The following CCDC102B variants were observed in gnomAD, a reference collection of about 807,000 sequenced individuals.
CCDC102B encodes coiled-coil domain containing 102B.
CCDC102B carries 75 observed loss-of-function variants against 57.4 expected under a neutral mutation model. That is an observed-to-expected ratio of 1.31 (90% confidence interval 1.08 to 1.58). The LOEUF is 1.58. Among genes scored for constraint, CCDC102B ranks in the 40% most tolerant of loss-of-function variants. The pLI, the probability that CCDC102B is intolerant of heterozygous loss-of-function variation, is 0.00. For missense variants in CCDC102B, 636 were observed against 582.6 expected (o/e 1.09, Z -0.94); for synonymous variants, 206 against 201.9 (o/e 1.02, Z -0.17).
chr18:68,755,091 T>A (rs753346457), intron 2 of CCDC102B: 1 of 152,242 alleles, frequency 6.6e-6, no homozygotes, highest in Non-Finnish European at 1.5e-5. Context: ...TTTTCTCTAT[T>A]CTTTCATCTG....
upstream of CCDC102B, among the ~76,000 whole-genome samples, chr18:68,794,688 C>T (rs1170019020): frequency 6.6e-6 from 1 of 151,992 alleles, no homozygotes; most frequent in Non-Finnish European, 1.5e-5. Flanking sequence ...TCATATGCCC[C>T]CAAGTGATTG....
chr18:69,003,082 C>A (rs2051248407), intron 6 of CCDC102B, among the ~76,000 whole-genome samples: 1 of 152,144 alleles, frequency 6.6e-6, no homozygotes, highest in African/African-American at 2.4e-5. Context: ...TATACTCCCC[C>A]AGACATCTGT....
At chr18:68,966,304 C>G (rs2050164498) in intron 6 of CCDC102B, among the ~76,000 whole-genome samples, 1 of 152,086 alleles carries the variant, frequency 6.6e-6, no homozygotes. Context: ...TGCCTTATCT[C>G]CCCAGACTGA....
chr18:69,031,449 CTT>C (rs76983663), intron 7 of CCDC102B, among the ~76,000 whole-genome samples: 9 of 141,780 alleles, frequency 6.3e-5, no homozygotes, highest in Non-Finnish European at 1.2e-4. Context: ...TCCTGGAGAC[CTT>C]TTTTTTTTTT....
At chr18:68,970,086 T>A (rs1374560162) in intron 6 of CCDC102B, among the ~76,000 whole-genome samples, 11 of 152,064 alleles carry the variant, frequency 7.2e-5, no homozygotes, top group Non-Finnish European at 1.2e-4. Flanking sequence ...TTTTAAGCTG[T>A]CAGAATAAGA....
At position 68,857,299 on chromosome 18, in the gene CCDC102B, ATATAATATATATTTATATATTAT is replaced by A. The variant is rs1568292987; in HGVS notation, c.936+10879_936+10901del. Reference sequence around the variant, plus strand: ...TATAATATATATTTATATATTATATATATAATATATATTTATATATTATATATATAAAATATATATTTATATAT... The same window carrying A: ...TATAATATATATTTATATATTATATAATATATAAAATATATATTTATATAT... On this transcript the variant is annotated intron_variant, in intron 4 of 7. Transcript: ENST00000360242. Among the ~76,000 whole-genome samples, 15 of 51,554 alleles carry A rather than the reference ATATAATATATATTTATATATTAT, an allele frequency of 2.9e-4. 4 individuals are homozygous for A. The highest frequency in any genetic ancestry group is 9.1e-4 in the Admixed American group (3 of 3,306). The allele number at this position is 51,554 out of a possible 152,430, so 33.8% of individuals were successfully genotyped here. A position where few individuals can be genotyped will look rare whatever the true frequency, so the allele number is the denominator to read the frequency against.
intron 7 of CCDC102B, among the ~76,000 whole-genome samples, chr18:69,012,334 A>G (rs2051541060): frequency 3.9e-5 from 6 of 152,130 alleles, no homozygotes; most frequent in Admixed American, 3.3e-4. Flanking sequence ...CGGCTTTAAG[A>G]TATCACCTGA....
intron 6 of CCDC102B, among the ~76,000 whole-genome samples, chr18:68,965,002 TA>T (rs2050133832): frequency 6.6e-6 from 1 of 152,030 alleles, no homozygotes; most frequent in African/African-American, 2.4e-5. Flanking sequence ...TCTGACTGCT[TA>T]AAAGATTTTT....
intron 4 of CCDC102B, among the ~76,000 whole-genome samples, chr18:68,852,287 A>C (rs983548636): frequency 2.6e-5 from 4 of 152,144 alleles, no homozygotes; most frequent in Non-Finnish European, 5.9e-5. Flanking sequence ...TTAGCAGTGA[A>C]ACAGCTATGT....
intron 7 of CCDC102B, among the ~76,000 whole-genome samples, chr18:69,044,117 T>C (rs2052500018): frequency 6.6e-6 from 1 of 152,106 alleles, no homozygotes. Flanking sequence ...AAGAATGATT[T>C]AATGGTAAAA....
intron 1 of CCDC102B, among the ~76,000 whole-genome samples, chr18:68,805,335 G>A (rs1228233640): frequency 1.3e-5 from 2 of 152,178 alleles, no homozygotes; most frequent in African/African-American, 2.4e-5. Context: ...GCCCATATGA[G>A]GTTCAGAGTC....
At chr18:68,719,953 A>G (rs1464995449) in intron 2 of CCDC102B, among the ~76,000 whole-genome samples, 2 of 152,218 alleles carry the variant, frequency 1.3e-5, no homozygotes, top group African/African-American at 4.8e-5. Context: ...CTAGCAGTTC[A>G]CTGAAAAAGA....
intron 1 of CCDC102B, among the ~76,000 whole-genome samples, chr18:68,836,492 G>A (rs1676850): frequency 0.93 from 140,888 of 151,966 alleles, 66,273 homozygotes; most frequent in East Asian, 1. Context: ...TCTGGGCGTG[G>A]TTGCGCATGC....
chr18:69,002,934 A>G (rs2051244243), intron 6 of CCDC102B, among the ~76,000 whole-genome samples: 1 of 152,154 alleles, frequency 6.6e-6, no homozygotes, highest in Non-Finnish European at 1.5e-5. Flanking sequence ...AAAATCTGTT[A>G]GAAGAGTTCT....
intron 6 of CCDC102B, among the ~76,000 whole-genome samples, chr18:68,957,329 A>G (rs189556900): frequency 1.3e-5 from 2 of 152,186 alleles, no homozygotes; most frequent in African/African-American, 4.8e-5. Context: ...TCTTCTGAAT[A>G]TGGATATCCT....
At chr18:68,979,479 T>A (rs965095417) in intron 6 of CCDC102B, among the ~76,000 whole-genome samples, 13 of 152,002 alleles carry the variant, frequency 8.6e-5, no homozygotes, top group Non-Finnish European at 1.8e-4. Context: ...TGGTGCCCTT[T>A]AGCTTAACTT....
intron 7 of CCDC102B, among the ~76,000 whole-genome samples, chr18:69,048,474 A>G (rs1026697863): frequency 3.3e-5 from 5 of 152,104 alleles, no homozygotes; most frequent in African/African-American, 1.2e-4. Context: ...TGTGAGTTTG[A>G]TACAAGGGGA....
chr18:69,052,136 T>C (rs2052722103), intron 7 of CCDC102B, among the ~76,000 whole-genome samples: 1 of 151,542 alleles, frequency 6.6e-6, no homozygotes, highest in African/African-American at 2.4e-5. Context: ...ATAACATGAA[T>C]ATATACAGAA....
At position 69,009,864 on chromosome 18, in the gene CCDC102B, A is replaced by C. The variant is rs539839740; in HGVS notation, c.1264-1070A>C. On this transcript the variant is annotated intron_variant, in intron 6 of 7. Transcript: ENST00000360242. ...CAAAGAAATATCCTTGGGTTTTCCT[A>C]CAGTATTATAACATTATGAAGAACC... Among the ~76,000 whole-genome samples the C allele has an allele frequency of 5.6e-4, 84 of 150,204 alleles. 1 individual carries two copies. The highest frequency in any genetic ancestry group is 2.0e-3 in the African/African-American group (81 of 41,204).
Sources: allele counts gnomAD v4.1 joint callset (sites outside exome capture counted in the v4.1 genomes callset), GRCh38; gene constraint gnomAD v4.1.1; transcripts MANE v1.5; gene names NCBI Gene and HGNC (gene_info 2026-07-23, HGNC 2026-07-21).